MEF2D: variants seen among roughly 807,000 people sequenced by gnomAD.
MEF2D encodes myocyte enhancer factor 2D.
MEF2D carries 10 observed loss-of-function variants against 59.3 expected under a neutral mutation model. The observed-to-expected ratio is 0.17, with a 90% CI of 0.10 to 0.29. The LOEUF (loss-of-function observed/expected upper bound fraction) is 0.29. Among genes scored for constraint, MEF2D ranks in the 10% least tolerant of loss-of-function variants. The pLI is 1.00. For missense variants in MEF2D, 508 were observed against 699.4 expected, an observed-to-expected ratio of 0.73 and a Z score of 3.09; for synonymous variants, 305 against 295.0, an observed-to-expected ratio of 1.03 and a Z score of -0.35.
At chr1:156,495,961 C>T (rs932667238) in intron 1 of MEF2D, among the ~76,000 whole-genome samples, 4 of 152,124 alleles carry the variant, frequency 2.6e-5, no homozygotes, top group African/African-American at 7.2e-5. Flanking sequence ...GAGCTTCGGA[C>T]ATGTCCCTCC....
chr1:156,476,591 G>A, intron 7 of MEF2D, 77 bp from the exon 8 acceptor site: 1 of 1,552,428 alleles, frequency 6.4e-7, no homozygotes, highest in Non-Finnish European at 8.8e-7. Flanking sequence ...CCCCACAGCT[G>A]TTCCAGTCAC....
At chr1:156,494,430 G>C (rs779400562) in intron 1 of MEF2D, among the ~76,000 whole-genome samples, 1 of 152,144 alleles carries the variant, frequency 6.6e-6, no homozygotes. Flanking sequence ...GGCAAGACTC[G>C]TGGGGCTAAG....
chr1:156,495,297 G>A (rs1673065392), intron 1 of MEF2D, among the ~76,000 whole-genome samples: 1 of 151,958 alleles, frequency 6.6e-6, no homozygotes, highest in African/African-American at 2.4e-5. Context: ...TTTAATCTCA[G>A]ACAAAAGCCC....
intron 9 of MEF2D, among the ~76,000 whole-genome samples, chr1:156,472,834 C>T (rs146510745): frequency 1.3e-5 from 2 of 151,792 alleles, no homozygotes; most frequent in Admixed American, 1.3e-4. Context: ...CTCAGCCTCC[C>T]GAGTAGCTGG....
At chr1:156,484,973 T>C (rs542850563) in intron 1 of MEF2D, among the ~76,000 whole-genome samples, 1 of 152,140 alleles carries the variant, frequency 6.6e-6, no homozygotes, top group Non-Finnish European at 1.5e-5. Context: ...CTGGAAGATG[T>C]TGGAAGAGGA....
chr1:156,495,762 C>CAAAAAAAA (rs372092331), intron 1 of MEF2D, among the ~76,000 whole-genome samples: 1,842 of 77,940 alleles, frequency 0.024, 346 homozygotes, highest in African/African-American at 0.094. Context: ...GACCAGGGGG[C>CAAAAAAAA]AAAAAAAAAA....
chr1:156,475,049 T>C, intron 9 of MEF2D, 59 bp downstream of exon 9: 2 of 1,610,964 alleles, frequency 1.2e-6, no homozygotes, highest in Admixed American at 1.7e-5. Context: ...CATTTCTGTC[T>C]GGTCACTTGC....
chr1:156,479,752 G>T lies in MEF2D; in HGVS notation c.441C>A (p.Pro147=), dbSNP rs1296316097. Residue 147 remains proline (P), a synonymous_variant, in exon 5 of 12, where the codon CCC becomes CCA. Transcript: ENST00000348159. ...APNFAMPVTV[P]VSNQSSLQFS... ...ACTGCAGTGAGCTCTGATTGGACAC[G>T]GGCACCGTGACAGGCATGGCAAAGT... 2 of 1,551,708 alleles carry T rather than the reference G, an allele frequency of 1.3e-6. No homozygotes were observed. The highest frequency in any genetic ancestry group is 1.7e-6 in the Non-Finnish European group (2 of 1,146,982).
At position 156,468,899 on chromosome 1, in the gene MEF2D, T is replaced by C. The variant is rs774248099; in HGVS notation, c.1128A>G (p.Pro376=). 2.5e-6 allele frequency: 4 copies of C among 1,613,420 alleles called. No individual in the cohort carries two copies. Among genetic ancestry groups the C allele is most frequent in the Admixed American group, 3.3e-5 (2 of 60,020 alleles). Residue 376 remains proline, a synonymous_variant, in exon 10 of 12, where the codon CCA becomes CCG. Coordinates refer to ENST00000348159, the MANE Select transcript of MEF2D (RefSeq NM_005920.4). This position sits in a 1 kb window ranked among gnomAD's most constrained non-coding sequence, Gnocchi z 4.3. The part of the protein sequence containing the change: ...QPQQPQQPQQ[P]QPPQQQPPQP... Reference sequence around the variant, plus strand: ...GCGGTGGCTGCTGCTGTGGAGGCTGTGGCTGCTGCGGCTGCTGGGGCTGCT... The same window carrying C: ...GCGGTGGCTGCTGCTGTGGAGGCTGCGGCTGCTGCGGCTGCTGGGGCTGCT...
At position 156,466,766 on chromosome 1, in the gene MEF2D, G is replaced by A. The variant is rs1294769549; in HGVS notation, c.*879C>T. ...CAGCTTTACAGGGCTGGCGTCAACTGAGGGGTGGGGAGCTATTGCACTGTA... is the reference window on the plus strand; with the variant it reads ...CAGCTTTACAGGGCTGGCGTCAACTAAGGGGTGGGGAGCTATTGCACTGTA... On this transcript the variant is annotated 3_prime_UTR_variant, in exon 12 of 12. Coordinates refer to ENST00000348159, the MANE Select transcript of MEF2D (RefSeq NM_005920.4). 1 of 152,732 alleles carries A rather than the reference G, an allele frequency of 6.5e-6. No homozygotes were observed. Among genetic ancestry groups the A allele is most frequent in the East Asian group, 1.9e-4 (1 of 5,190 alleles). The allele number at this position is 152,732 out of a possible 1,614,324, so 9.5% of individuals were successfully genotyped here. A position where few individuals can be genotyped will look rare whatever the true frequency, so the allele number is the denominator to read the frequency against.
At chr1:156,492,998 A>G (rs888229148) in intron 1 of MEF2D, among the ~76,000 whole-genome samples, 1 of 152,174 alleles carries the variant, frequency 6.6e-6, no homozygotes, top group Non-Finnish European at 1.5e-5. Context: ...AGAGATAAAA[A>G]TGGAGAGAGG....
Position 156,468,383 on chromosome 1 carries a change from A to C in MEF2D, c.1248-84T>G. 1.0e-6 allele frequency: 1 copy of C among 1,002,726 alleles called. No individual in the cohort carries two copies. Among genetic ancestry groups the C allele is most frequent in the South Asian group, 1.6e-5 (1 of 61,286 alleles). The allele number at this position is 1,002,726 out of a possible 1,614,324, so 62.1% of individuals were successfully genotyped here. ...GAACAAGTGATAGGACACCAGACAGAAAGTGAGAGAGAACAAGAGGATGAG... is the reference window on the plus strand; with the variant it reads ...GAACAAGTGATAGGACACCAGACAGCAAGTGAGAGAGAACAAGAGGATGAG... On this transcript the variant is annotated intron_variant, in intron 10 of 11. Transcript: ENST00000348159. The surrounding 1 kb of genome is among the most constrained non-coding windows in gnomAD (Gnocchi z 4.3).
chr1:156,490,308 C>T (rs1204705065), intron 1 of MEF2D, among the ~76,000 whole-genome samples: 1 of 151,796 alleles, frequency 6.6e-6, no homozygotes, highest in Non-Finnish European at 1.5e-5. Flanking sequence ...CTCTTTTCTT[C>T]ACCCCAGAAG....
At chr1:156,475,012 G>A in intron 9 of MEF2D, 96 bp downstream of exon 9, 2 of 1,570,860 alleles carry the variant, frequency 1.3e-6, no homozygotes, top group Non-Finnish European at 1.7e-6. Flanking sequence ...GCCCTCCTCA[G>A]ATGTGGCCTG....
At chr1:156,487,417 G>GGA (rs1672443317) in intron 1 of MEF2D, among the ~76,000 whole-genome samples, 1 of 152,246 alleles carries the variant, frequency 6.6e-6, no homozygotes, top group Admixed American at 6.5e-5. Flanking sequence ...TGCCAGAGGA[G>GGA]GAGATGCCCC....
chr1:156,497,844 CA>C (rs1255726043), intron 1 of MEF2D, among the ~76,000 whole-genome samples: 1 of 151,956 alleles, frequency 6.6e-6, no homozygotes, highest in Non-Finnish European at 1.5e-5. Context: ...AGAAAGTTGA[CA>C]AAATGGGGAG....
rs1390112742 is a variant in MEF2D, at chr1:156,465,551, CAG to C, written c.*2092_*2093del. On this transcript the variant is annotated 3_prime_UTR_variant, in exon 12 of 12. Transcript: ENST00000348159. ...AACACACACCAGGCACACTCAGACACAGAGATGCCCCTAGAGCTCCAGTCACA... is the reference window on the plus strand; with the variant it reads ...AACACACACCAGGCACACTCAGACACAGATGCCCCTAGAGCTCCAGTCACA... 6.6e-6 allele frequency: 1 copy of C among 152,424 alleles called. No individual in the cohort carries two copies. The highest frequency in any genetic ancestry group is 6.5e-5 in the Admixed American group (1 of 15,274). 9.4% of individuals were successfully genotyped at this position (152,424 alleles called of 1,614,324 possible). A position where few individuals can be genotyped will look rare whatever the true frequency, so the allele number is the denominator to read the frequency against.
intron 11 of MEF2D, 59 bp downstream of exon 11, chr1:156,467,934 G>A (rs957926160): frequency 1.1e-5 from 17 of 1,549,516 alleles, no homozygotes; most frequent in Non-Finnish European, 1.5e-5. Flanking sequence ...TAGGGGGCAC[G>A]CGGGGCAGTC....
chr1:156,498,767 A>G (rs1242399525), intron 1 of MEF2D, among the ~76,000 whole-genome samples: 3 of 152,158 alleles, frequency 2.0e-5, no homozygotes, highest in African/African-American at 7.2e-5. Flanking sequence ...CCAAATGCCT[A>G]TGCTGGGGCA....
Sources: allele counts gnomAD v4.1 joint callset (sites outside exome capture counted in the v4.1 genomes callset), GRCh38; gene constraint gnomAD v4.1.1; non-coding constraint Gnocchi (gnomAD v3.1); transcripts MANE v1.5; gene names NCBI Gene and HGNC (gene_info 2026-07-23, HGNC 2026-07-21).